KIAA1217: variants seen among roughly 807,000 people sequenced by gnomAD.
KIAA1217 encodes sickle tail protein homolog.
Under a neutral mutation model 163.9 loss-of-function variants are expected in KIAA1217, and 88 were observed. The ratio of observed to expected loss-of-function variants is 0.54; its 90% confidence interval spans 0.45 to 0.64. The LOEUF is 0.64. KIAA1217 is among the 30% of genes least tolerant of loss of function. The pLI is 0.00. For synonymous variants in KIAA1217, 903 were observed against 923.1 expected, an observed-to-expected ratio of 0.98 and a Z score of 0.39; for missense variants, 2,372 against 2,475.0, an observed-to-expected ratio of 0.96 and a Z score of 0.88.
intron 1 of KIAA1217, among the ~76,000 whole-genome samples, chr10:23,820,111 G>A (rs553285816): frequency 6.6e-6 from 1 of 152,266 alleles, no homozygotes; most frequent in Non-Finnish European, 1.5e-5. Flanking sequence ...GTATTGGGGG[G>A]AGGACCACAA....
At chr10:23,862,083 C>T (rs1839979395) in intron 1 of KIAA1217, among the ~76,000 whole-genome samples, 1 of 152,092 alleles carries the variant, frequency 6.6e-6, no homozygotes, top group African/African-American at 2.4e-5. Context: ...ATAGGATTAA[C>T]CTGTTAGACT....
At chr10:23,936,507 T>C (rs1294844012) in intron 1 of KIAA1217, among the ~76,000 whole-genome samples, 1 of 152,152 alleles carries the variant, frequency 6.6e-6, no homozygotes, top group Non-Finnish European at 1.5e-5. Context: ...CACTGGTGTC[T>C]TTATAAAAGG....
chr10:24,403,458 C>T (rs532235290), intron 3 of KIAA1217, among the ~76,000 whole-genome samples: 18 of 152,188 alleles, frequency 1.2e-4, no homozygotes, highest in Middle Eastern at 3.4e-3. Context: ...AGGCTGTTCT[C>T]GAACTCCTGA....
chr10:24,010,851 G>T lies in KIAA1217; in HGVS notation c.-171+3477G>T, dbSNP rs12259878. ...CAAATACTGCCTCTCCGGGATGGGG[G>T]TTCCAGCTGGTCATGGAAGGGAAGC... On this transcript the variant is annotated intron_variant, in intron 2 of 18. Coordinates refer to the KIAA1217 transcript ENST00000376462. Among the ~76,000 whole-genome samples, 803 of 152,220 alleles carry T rather than the reference G, an allele frequency of 5.3e-3. 8 individuals are homozygous for T. The highest frequency in any genetic ancestry group is 0.017 in the African/African-American group (723 of 41,542).
At chr10:24,020,828 G>C (rs1413184895) in intron 2 of KIAA1217, among the ~76,000 whole-genome samples, 4 of 151,856 alleles carry the variant, frequency 2.6e-5, no homozygotes. Flanking sequence ...TTAATTCCTA[G>C]CAAGTTCCTA....
chr10:24,176,304 C>T (rs1445614642), intron 2 of KIAA1217, among the ~76,000 whole-genome samples: 1 of 152,062 alleles, frequency 6.6e-6, no homozygotes, highest in Non-Finnish European at 1.5e-5. Flanking sequence ...ACACAGAGTG[C>T]TGATTGGTGC....
At chr10:23,907,928 G>T (rs1589053709) in intron 1 of KIAA1217, among the ~76,000 whole-genome samples, 1 of 151,918 alleles carries the variant, frequency 6.6e-6, no homozygotes, top group African/African-American at 2.4e-5. Context: ...AAGAGTAAAG[G>T]GGAAACACAG....
At chr10:24,509,547 A>G (rs1307925584) in intron 9 of KIAA1217, among the ~76,000 whole-genome samples, 2 of 152,174 alleles carry the variant, frequency 1.3e-5, no homozygotes, top group Non-Finnish European at 2.9e-5. Flanking sequence ...CTTCTCAGAA[A>G]CGTTATATTG....
rs1257127897 is a variant in KIAA1217 at position 24,473,523 on chromosome 10, G to T, written c.1142G>T (p.Gly381Val). 9 of 1,613,340 alleles carry T rather than the reference G, an allele frequency of 5.6e-6. No individual in the cohort carries two copies. The highest frequency in any genetic ancestry group is 7.6e-6 in the Non-Finnish European group (9 of 1,179,668). The change falls in exon 6 of 21, where the codon GGC becomes GTC. Residue 381 changes from glycine (G) to valine (V), a missense_variant. Physicochemically the swap from Gly to Val is moderately radical, Grantham distance 109 (BLOSUM62 -3). Around this residue, in one of 3 missense-constraint regions of KIAA1217, gnomAD observed 1,431 missense variants for 1,470.3 expected, o/e 0.97. Coordinates refer to ENST00000376454, the MANE Select transcript of KIAA1217 (RefSeq NM_019590.5). ...RDVKPDEDMS[G>V]KNIAMYRNEG... is the part of the protein sequence containing the mutation. ...GTCAAGCCTGATGAAGACATGAGTGGCAAAAACATTGCAATGTACAGAAAT... is the reference window on the plus strand; with the variant it reads ...GTCAAGCCTGATGAAGACATGAGTGTCAAAAACATTGCAATGTACAGAAAT...
chr10:23,842,832 C>G (rs1838850094), intron 1 of KIAA1217, among the ~76,000 whole-genome samples: 1 of 152,062 alleles, frequency 6.6e-6, no homozygotes, highest in African/African-American at 2.4e-5. Context: ...TTAGAATCTT[C>G]AGATCTACTG....
chr10:24,052,190 G>A (rs1187805640), intron 2 of KIAA1217, among the ~76,000 whole-genome samples: 1 of 152,136 alleles, frequency 6.6e-6, no homozygotes, highest in Non-Finnish European at 1.5e-5. Flanking sequence ...TTTTATCTAT[G>A]TAACTAAGTT....
intron 1 of KIAA1217, among the ~76,000 whole-genome samples, chr10:23,999,991 A>C (rs1846666831): frequency 1.3e-5 from 2 of 152,168 alleles, no homozygotes; most frequent in Admixed American, 1.3e-4. Context: ...ACTTGAGCCC[A>C]GGAGTTTGAG....
intron 2 of KIAA1217, among the ~76,000 whole-genome samples, chr10:24,333,805 A>G (rs1377741376): frequency 6.6e-6 from 1 of 152,216 alleles, no homozygotes; most frequent in Non-Finnish European, 1.5e-5. Context: ...AAGGTTGGGG[A>G]AAATAAGGCT....
chr10:23,830,706 GTAGATAGA>G (rs1166745195), intron 1 of KIAA1217, among the ~76,000 whole-genome samples: 2 of 126,874 alleles, frequency 1.6e-5, no homozygotes, highest in African/African-American at 5.9e-5. Context: ...AGGTAGGTAG[GTAGATAGA>G]TAGGTAGATA....
At chr10:23,851,076 A>G (rs958638299) in intron 1 of KIAA1217, among the ~76,000 whole-genome samples, 1 of 152,034 alleles carries the variant, frequency 6.6e-6, no homozygotes, top group Non-Finnish European at 1.5e-5. Context: ...GGTTAGTTAC[A>G]TATGTATACA....
chr10:24,270,095 A>G (rs2076629527), intron 2 of KIAA1217, among the ~76,000 whole-genome samples: 1 of 152,214 alleles, frequency 6.6e-6, no homozygotes, highest in African/African-American at 2.4e-5. Flanking sequence ...CTGTTTCCCT[A>G]ACTGTAGAAG....
intron 3 of KIAA1217, 61 bp from the exon 4 acceptor site, chr10:24,432,934 C>A: frequency 7.2e-7 from 1 of 1,382,722 alleles, no homozygotes; most frequent in Non-Finnish European, 1.0e-6. Flanking sequence ...AGTGGCTCAG[C>A]TTGTGCTGTG....
At chr10:24,164,263 G>A (rs921267436) in intron 2 of KIAA1217, among the ~76,000 whole-genome samples, 4 of 152,186 alleles carry the variant, frequency 2.6e-5, no homozygotes, top group Non-Finnish European at 4.4e-5. Context: ...ATTTGTACTT[G>A]CCCTGCCTGG....
intron 2 of KIAA1217, among the ~76,000 whole-genome samples, chr10:24,270,697 C>T (rs1460712435): frequency 6.6e-6 from 1 of 152,132 alleles, no homozygotes; most frequent in Non-Finnish European, 1.5e-5. Flanking sequence ...CCTGCCTCCA[C>T]ACCCAGCTAA....
Sources: allele counts gnomAD v4.1 joint callset (sites outside exome capture counted in the v4.1 genomes callset), GRCh38; gene constraint gnomAD v4.1.1; regional missense constraint gnomAD v4.1.1; transcripts MANE v1.5; gene names NCBI Gene and HGNC (gene_info 2026-07-23, HGNC 2026-07-21).